Variants in UMAD1 observed in about 807,000 individuals in gnomAD.
UMAD1 encodes UBAP1-MVB12-associated (UMA)-domain containing protein 1.
In UMAD1, 8 loss-of-function variants were observed where a neutral mutation model predicts 6.1. The observed-to-expected ratio is 1.30, with a 90% CI of 0.76 to 2.35. UMAD1 has a LOEUF of 2.35. Ranked by LOEUF, UMAD1 falls within the 30% of genes most tolerant of loss-of-function variation. UMAD1 has a pLI of 0.00. For synonymous variants in UMAD1, 56 were observed against 31.4 expected, an observed-to-expected ratio of 1.78 and a Z score of -2.61; for missense variants, 130 against 78.4, an observed-to-expected ratio of 1.66 and a Z score of -2.49.
At chr7:7,807,616 A>G (rs557379084) in intron 3 of UMAD1, among the ~76,000 whole-genome samples, 1 of 152,256 alleles carries the variant, frequency 6.6e-6, no homozygotes, top group Non-Finnish European at 1.5e-5. Flanking sequence ...TAGAATTTAA[A>G]AAAGATCTGG....
chr7:7,825,133 G>A (rs949239913), intron 3 of UMAD1, among the ~76,000 whole-genome samples: 1 of 152,074 alleles, frequency 6.6e-6, no homozygotes, highest in Non-Finnish European at 1.5e-5. Context: ...TGGGAATAGA[G>A]TGGATAGGAG....
At position 7,852,281 on chromosome 7, in the gene UMAD1, C is replaced by A. The variant is rs78941040; in HGVS notation, c.157-25000C>A. 6.3e-3 allele frequency among the ~76,000 whole-genome samples: 957 copies of A among 152,266 alleles called. 26 individuals are homozygous for A. In the East Asian group the frequency reaches 0.092, roughly 15 times the overall value. On this transcript the variant is annotated intron_variant, in intron 3 of 3. Transcript: ENST00000682710. ...CAGCCAACACAGAAGATTTCTGTGA[C>A]CTCAAAATATGTGGGGATATCACTC... is the stretch of plus-strand genomic sequence containing the variant.
At chr7:7,703,965 A>C (rs1780530466) in intron 2 of UMAD1, among the ~76,000 whole-genome samples, 1 of 152,030 alleles carries the variant, frequency 6.6e-6, no homozygotes, top group South Asian at 2.1e-4. Context: ...GAAGGAAGGA[A>C]GGGAAGGAGG....
intron 1 of UMAD1, chr7:7,641,424 C>T (rs533058444): frequency 1.3e-5 from 2 of 152,388 alleles, no homozygotes; most frequent in South Asian, 4.1e-4. Flanking sequence ...TTTTCCCCAT[C>T]TGCAAAACGA....
intron 3 of UMAD1, among the ~76,000 whole-genome samples, chr7:7,866,334 G>C (rs1389946942): frequency 6.6e-6 from 1 of 152,340 alleles, no homozygotes; most frequent in South Asian, 2.1e-4. Flanking sequence ...GGGGGTGACA[G>C]GGAATTCTAG....
intron 2 of UMAD1, among the ~76,000 whole-genome samples, chr7:7,772,642 C>T (rs988428561): frequency 2.1e-4 from 32 of 152,122 alleles, no homozygotes; most frequent in African/African-American, 7.0e-4. Context: ...ATTGTGGAAC[C>T]GATCAGGAAG....
chr7:7,732,033 T>C (rs1781269564), intron 2 of UMAD1, among the ~76,000 whole-genome samples: 2 of 152,242 alleles, frequency 1.3e-5, no homozygotes, highest in South Asian at 4.1e-4. Flanking sequence ...ACCATTATTT[T>C]GTTTTATATA....
At chr7:7,813,490 G>A (rs967301516) in intron 3 of UMAD1, among the ~76,000 whole-genome samples, 25 of 152,062 alleles carry the variant, frequency 1.6e-4, no homozygotes, top group African/African-American at 5.3e-4. Context: ...AGGCATGAGT[G>A]ACTGCGCCCA....
At chr7:7,813,996 T>C (rs1164246755) in intron 3 of UMAD1, among the ~76,000 whole-genome samples, 1 of 152,148 alleles carries the variant, frequency 6.6e-6, no homozygotes, top group Admixed American at 6.5e-5. Context: ...ATTTATTTTT[T>C]TTTTTTGAGA....
At chr7:7,876,133 A>G (rs1392669712) in intron 3 of UMAD1, among the ~76,000 whole-genome samples, 2 of 152,182 alleles carry the variant, frequency 1.3e-5, no homozygotes, top group African/African-American at 2.4e-5. Context: ...CATCTGGGCT[A>G]GCGCTTGGAA....
At chr7:7,800,095 C>T (rs1214073785) in intron 2 of UMAD1, among the ~76,000 whole-genome samples, 3 of 152,196 alleles carry the variant, frequency 2.0e-5, no homozygotes, top group African/African-American at 4.8e-5. Flanking sequence ...GTTGGTCTGG[C>T]TGGTCTCGAT....
intron 2 of UMAD1, among the ~76,000 whole-genome samples, chr7:7,758,053 T>C (rs1016470087): frequency 1.3e-5 from 2 of 152,082 alleles, no homozygotes; most frequent in Non-Finnish European, 2.9e-5. Context: ...TTTGGGTTTT[T>C]TTAAAATTAT....
At chr7:7,875,961 C>G (rs2115346143) in intron 3 of UMAD1, among the ~76,000 whole-genome samples, 1 of 152,308 alleles carries the variant, frequency 6.6e-6, no homozygotes, top group East Asian at 1.9e-4. Flanking sequence ...TCCTATAGTC[C>G]TAGCTACTTG....
chr7:7,772,456 TA>T (rs1424016370), intron 2 of UMAD1: 2 of 152,174 alleles, frequency 1.3e-5, no homozygotes, highest in Non-Finnish European at 2.9e-5. Context: ...GTACATCTGG[TA>T]AGTTAATATA....
intron 3 of UMAD1, among the ~76,000 whole-genome samples, chr7:7,866,908 T>C (rs958010262): frequency 5.3e-5 from 8 of 152,106 alleles, no homozygotes; most frequent in African/African-American, 1.9e-4. Context: ...AAGAAGACCT[T>C]AGTATCCTGA....
rs377680872 is a variant in UMAD1, at chr7:7,695,857, C to T, written c.82+22404C>T. Among the ~76,000 whole-genome samples, 5 of 152,102 alleles carry T rather than the reference C, an allele frequency of 3.3e-5. No homozygotes were observed. In the East Asian group the frequency reaches 9.6e-4, roughly 29 times the overall value. ...ATTATAAGTTAAGCAGCAGTGTGCA[C>T]ACTACATCTTATGCACTAATGGTTG... On this transcript the variant is annotated intron_variant, in intron 2 of 3. Coordinates refer to ENST00000682710, the MANE Select transcript of UMAD1 (RefSeq NM_001302348.2).
At chr7:7,861,990 G>A (rs1160405709) in intron 3 of UMAD1, among the ~76,000 whole-genome samples, 1 of 152,046 alleles carries the variant, frequency 6.6e-6, no homozygotes, top group Admixed American at 6.6e-5. Context: ...ATTCATTGTT[G>A]TTTGTCATAA....
intron 3 of UMAD1, among the ~76,000 whole-genome samples, chr7:7,811,338 T>A (rs954651713): frequency 6.6e-6 from 1 of 152,230 alleles, no homozygotes; most frequent in African/African-American, 2.4e-5. Context: ...ACTGTGTCAT[T>A]TGAACAGATA....
intron 3 of UMAD1, among the ~76,000 whole-genome samples, chr7:7,804,988 C>G (rs200293347): frequency 5.1e-4 from 2 of 3,924 alleles, no homozygotes; most frequent in East Asian, 4.8e-3. Flanking sequence ...CTCAAGAAAA[C>G]AAAACAAAAC....
Sources: allele counts gnomAD v4.1 joint callset (sites outside exome capture counted in the v4.1 genomes callset), GRCh38; gene constraint gnomAD v4.1.1; transcripts MANE v1.5; gene names NCBI Gene and HGNC (gene_info 2026-07-23, HGNC 2026-07-21).